The following CACNA2D3 variants were observed in gnomAD, a reference collection of about 807,000 sequenced individuals.
CACNA2D3 encodes the protein calcium voltage-gated channel auxiliary subunit alpha2delta 3.
CACNA2D3 carries 60 observed loss-of-function variants against 160.6 expected under a neutral mutation model. The observed-to-expected ratio is 0.37, with a 90% CI of 0.30 to 0.46. CACNA2D3 has a LOEUF of 0.46. Ranked by LOEUF, CACNA2D3 falls within the 20% of genes least tolerant of loss-of-function variation. The pLI is 1.00. For missense variants in CACNA2D3, 1,205 were observed against 1,365.0 expected (o/e 0.88, Z 1.85); for synonymous variants, 558 against 492.9 (o/e 1.13, Z -1.75).
chr3:54,824,906 G>T (rs944592218), intron 14 of CACNA2D3, among the ~76,000 whole-genome samples: 4 of 152,142 alleles, frequency 2.6e-5, no homozygotes, highest in African/African-American at 9.7e-5. Flanking sequence ...TAGGCAAAAA[G>T]AACTTGGTGT....
chr3:54,465,603 A>T (rs1454900922), intron 4 of CACNA2D3, among the ~76,000 whole-genome samples: 1 of 152,184 alleles, frequency 6.6e-6, no homozygotes, highest in Non-Finnish European at 1.5e-5. Context: ...CTGCTCACTT[A>T]TGACCACATC....
intron 27 of CACNA2D3, among the ~76,000 whole-genome samples, chr3:54,905,744 G>A (rs529532550): frequency 1.3e-5 from 2 of 152,240 alleles, no homozygotes; most frequent in South Asian, 2.1e-4. Flanking sequence ...ATCTTGCAAA[G>A]CGCAGGACAG....
chr3:54,239,931 G>A (rs1412948566), intron 2 of CACNA2D3, among the ~76,000 whole-genome samples: 1 of 152,154 alleles, frequency 6.6e-6, no homozygotes, highest in Non-Finnish European at 1.5e-5. Context: ...CACTAGGCTA[G>A]ACACTTGGTA....
chr3:54,289,858 T>G (rs199911304), intron 2 of CACNA2D3, among the ~76,000 whole-genome samples: 16,573 of 152,052 alleles, frequency 0.11, 1,077 homozygotes, highest in East Asian at 0.27. Context: ...TAGCCATATG[T>G]AGAAAGCTGA....
intron 2 of CACNA2D3, among the ~76,000 whole-genome samples, chr3:54,233,257 G>A (rs531761585): frequency 7.3e-4 from 111 of 152,200 alleles, no homozygotes; most frequent in Non-Finnish European, 1.3e-3. Context: ...ATTTACTCTC[G>A]TATCACCAGG....
chr3:55,026,720 CAG>C (rs1328185852), intron 35 of CACNA2D3, among the ~76,000 whole-genome samples: 1 of 152,132 alleles, frequency 6.6e-6, no homozygotes, highest in African/African-American at 2.4e-5. Flanking sequence ...GGAGAGATGA[CAG>C]AGGGGACAAG....
At chr3:54,564,350 T>C (rs1398708362) in intron 6 of CACNA2D3, among the ~76,000 whole-genome samples, 1 of 152,210 alleles carries the variant, frequency 6.6e-6, no homozygotes, top group African/African-American at 2.4e-5. Context: ...TCAGAACAAT[T>C]GGTTCAGCCA....
chr3:54,762,721 C>T (rs7632087), intron 12 of CACNA2D3, among the ~76,000 whole-genome samples: 4,191 of 152,292 alleles, frequency 0.028, 165 homozygotes, highest in African/African-American at 0.094. Flanking sequence ...CATAGCAGCG[C>T]CCTGGAACTA....
rs140227630 is a variant in CACNA2D3 at position 54,486,973 on chromosome 3, G to A, written c.382-16519G>A. 6.3e-3 allele frequency among the ~76,000 whole-genome samples: 965 copies of A among 152,288 alleles called. 7 individuals carry two copies. The highest frequency in any genetic ancestry group is 0.022 in the African/African-American group (928 of 41,568). On this transcript the variant is annotated intron_variant, in intron 4 of 37. Coordinates refer to ENST00000474759, the MANE Select transcript of CACNA2D3 (RefSeq NM_018398.3). Reference sequence around the variant, plus strand: ...GAGAAATGCTGCTTAGATGAGTGACGCACTTCCATATGCTGATTTTCTCCT... The same window carrying A: ...GAGAAATGCTGCTTAGATGAGTGACACACTTCCATATGCTGATTTTCTCCT...
At chr3:54,930,221 G>A (rs1559634357) in intron 27 of CACNA2D3, among the ~76,000 whole-genome samples, 2 of 152,072 alleles carry the variant, frequency 1.3e-5, no homozygotes, top group Admixed American at 6.6e-5. Context: ...GCTCTCACTA[G>A]TCCACCACCC....
Position 54,837,288 on chromosome 3 carries a change from C to A in CACNA2D3, c.1470+58C>A, listed in dbSNP as rs149478291. On this transcript the variant is annotated intron_variant, in intron 15 of 37. Transcript: ENST00000474759. The stretch of plus-strand genomic sequence containing the variant: ...CTAGGAGGGTGGTTTTCTCAGACCC[C>A]CTCTGACTCCAGCTCTGGTGACTTT... 8 of 1,327,076 alleles carry A rather than the reference C, an allele frequency of 6.0e-6. No individual in the cohort carries two copies. In the Admixed American group the frequency reaches 1.3e-4, roughly 22 times the overall value. The allele number at this position is 1,327,076 out of a possible 1,614,324, so 82.2% of individuals were successfully genotyped here.
intron 35 of CACNA2D3, among the ~76,000 whole-genome samples, chr3:55,031,639 A>G (rs1316196145): frequency 6.6e-6 from 1 of 152,150 alleles, no homozygotes; most frequent in Admixed American, 6.5e-5. Flanking sequence ...TGATTTTGAC[A>G]AGAAGACCAC....
rs1034198401 is a variant in CACNA2D3 at position 54,498,730 on chromosome 3, C to G, written c.382-4762C>G. On this transcript the variant is annotated intron_variant, in intron 4 of 37. Coordinates refer to ENST00000474759, the MANE Select transcript of CACNA2D3 (RefSeq NM_018398.3). ...AGCTTTTAAATGTGTAACTTCTTCTCTAAGCTCTGCTTTCGTTGCATCTCA... is the reference window on the plus strand; with the variant it reads ...AGCTTTTAAATGTGTAACTTCTTCTGTAAGCTCTGCTTTCGTTGCATCTCA... 2.0e-5 allele frequency among the ~76,000 whole-genome samples: 3 copies of G among 151,894 alleles called. No individual in the cohort carries two copies. The South Asian group carries it at 6.2e-4, about 32-fold the overall frequency.
intron 3 of CACNA2D3, among the ~76,000 whole-genome samples, chr3:54,356,884 A>G (rs1156384212): frequency 2.0e-5 from 3 of 152,098 alleles, no homozygotes; most frequent in Admixed American, 6.5e-5. Flanking sequence ...TTTAGCTTCT[A>G]TGTCACTTTT....
chr3:54,142,708 C>G (rs1454343032), intron 2 of CACNA2D3, among the ~76,000 whole-genome samples: 5 of 152,164 alleles, frequency 3.3e-5, no homozygotes, highest in Non-Finnish European at 5.9e-5. Flanking sequence ...ACCCTGTGAG[C>G]AAGCTACTCT....
At chr3:54,267,774 G>A (rs1442806807) in intron 2 of CACNA2D3, among the ~76,000 whole-genome samples, 1 of 152,194 alleles carries the variant, frequency 6.6e-6, no homozygotes, top group Non-Finnish European at 1.5e-5. Flanking sequence ...TTTGGTGGCT[G>A]TGGGACAGGA....
At chr3:54,236,069 T>C (rs1393811819) in intron 2 of CACNA2D3, among the ~76,000 whole-genome samples, 1 of 152,138 alleles carries the variant, frequency 6.6e-6, no homozygotes, top group Non-Finnish European at 1.5e-5. Flanking sequence ...GTAACCTCAG[T>C]CTCCTCATGA....
intron 35 of CACNA2D3, among the ~76,000 whole-genome samples, chr3:55,024,625 T>C (rs1452517021): frequency 6.6e-6 from 1 of 152,180 alleles, no homozygotes; most frequent in African/African-American, 2.4e-5. Context: ...TCTGCTGGTG[T>C]CTTGATCTTG....
chr3:54,492,968 T>TTATAA, intron 4 of CACNA2D3, among the ~76,000 whole-genome samples: 3 of 152,274 alleles, frequency 2.0e-5, no homozygotes, highest in Middle Eastern at 6.8e-3. Flanking sequence ...TTTTTGTAGT[T>TTATAA]TGTTTTATAA....
Sources: gnomAD v4.1 joint callset for allele counts (sites outside exome capture counted in the v4.1 genomes callset) on GRCh38, gnomAD v4.1.1 for gene constraint, MANE v1.5 for transcripts, NCBI Gene and HGNC (gene_info 2026-07-23, HGNC 2026-07-21) for gene names.